APTX: variants seen among roughly 807,000 people sequenced by gnomAD.
The protein encoded by APTX is forkhead-associated domain histidine triad-like protein.
A neutral mutation model predicts 42.3 loss-of-function variants in APTX; 33 were observed. The ratio of observed to expected loss-of-function variants is 0.78; its 90% CI spans 0.59 to 1.04. The LOEUF is 1.04. Among genes scored for constraint, APTX ranks in the 50% least tolerant of loss-of-function variants. APTX has a pLI of 0.00. For synonymous variants in APTX, 130 were observed against 146.7 expected, an observed-to-expected ratio of 0.89 and a Z score of 0.82; for missense variants, 421 against 415.1, an observed-to-expected ratio of 1.01 and a Z score of -0.12.
chr9:33,002,767 T>C (rs1836773122), upstream of APTX, among the ~76,000 whole-genome samples: 1 of 152,200 alleles, frequency 6.6e-6, no homozygotes, highest in Non-Finnish European at 1.5e-5. Flanking sequence ...TGAATAATCT[T>C]TTCTTTAACA....
intron 1 of APTX, chr9:33,020,251 T>TTCTTCCTCC (rs147738241): frequency 0.069 from 11,792 of 170,086 alleles, 577 homozygotes; most frequent in Non-Finnish European, 0.1. Context: ...CTACCCTGGC[T>TTCTTCCTCC]TCTTCCTCCT....
chr9:32,989,782 T>C lies in APTX; in HGVS notation c.110A>G (p.Asp37Gly), dbSNP rs1833113571. Residue 37 changes from aspartate to glycine, a missense_variant, in exon 2 of 8, where the codon GAT becomes GGT. By Grantham distance (94) the Asp-to-Gly change is moderately conservative (BLOSUM62 -1). Coordinates refer to ENST00000379817, the MANE Select transcript of APTX (RefSeq NM_001195248.2). ...IGRGPETKIT[D>G]KKCSRQQVQL... ...ACCTTGCTGTCGAGAACATTTCTTATCAGTGATCTTGGTCTCTGGGCCACG... is the reference window on the plus strand; with the variant it reads ...ACCTTGCTGTCGAGAACATTTCTTACCAGTGATCTTGGTCTCTGGGCCACG... The C allele has an allele frequency of 1.9e-6, 3 of 1,614,154 alleles. No individual in the cohort carries two copies. The highest frequency in any genetic ancestry group is 1.7e-5 in the Admixed American group (1 of 60,014).
chr9:32,989,966 G>A (rs1833171252), intron 1 of APTX, 71 bp from the exon 2 acceptor site: 2 of 1,548,842 alleles, frequency 1.3e-6, no homozygotes, highest in Admixed American at 1.9e-5. Flanking sequence ...GCCACACCCG[G>A]TGCCACCACG....
At chr9:33,022,287 T>C (rs562765745) in intron 1 of APTX, among the ~76,000 whole-genome samples, 5 of 152,330 alleles carry the variant, frequency 3.3e-5, no homozygotes, top group South Asian at 4.1e-4. Context: ...ATATGAACAG[T>C]TGACAGGAGA....
chr9:33,001,661 A>C, upstream of APTX: 3 of 1,606,442 alleles, frequency 1.9e-6, no homozygotes, highest in Non-Finnish European at 1.7e-6. Flanking sequence ...CTGTATCGCG[A>C]CCAGTGACGT....
chr9:32,973,768 T>C (rs1828649940), intron 7 of APTX, 116 bp from the exon 8 acceptor site: 1 of 1,369,682 alleles, frequency 7.3e-7, no homozygotes, highest in Admixed American at 1.7e-5. Context: ...AGGCCAGGTA[T>C]TCTACAGCTC....
At chr9:32,988,162 G>A (rs200146043) in intron 2 of APTX, 33 bp from the exon 3 acceptor site, 12 of 1,604,290 alleles carry the variant, frequency 7.5e-6, no homozygotes, top group Non-Finnish European at 1.0e-5. Context: ...AAACACAAAT[G>A]CAACAAAGAA....
rs777847160 is a variant in APTX at position 33,001,562 on chromosome 9, C to G, written c.-5+5G>C. ...GCAGAAGAGATAGGCTGACGACCGCCTTACCTCCAGAAGTCGGAGACGGAC... is the reference window on the plus strand; with the variant it reads ...GCAGAAGAGATAGGCTGACGACCGCGTTACCTCCAGAAGTCGGAGACGGAC... On this transcript the variant is annotated splice_donor_5th_base_variant and intron_variant, in intron 1 of 7. Coordinates refer to ENST00000379817, the MANE Select transcript of APTX (RefSeq NM_001195248.2). The G allele has an allele frequency of 1.2e-6, 2 of 1,613,934 alleles. No individual in the cohort carries two copies. Among genetic ancestry groups the G allele is most frequent in the Non-Finnish European group, 1.7e-6 (2 of 1,180,034 alleles).
intron 1 of APTX, among the ~76,000 whole-genome samples, chr9:33,022,705 A>G (rs956050561): frequency 6.6e-6 from 1 of 152,278 alleles, no homozygotes; most frequent in Non-Finnish European, 1.5e-5. Flanking sequence ...GCATAGTAAG[A>G]TGACAAAGTG....
Position 32,974,490 on chromosome 9 carries a change from G to A in APTX, c.842C>T (p.Ser281Phe). Residue 281 changes from serine (S) to phenylalanine (F), a missense_variant, in exon 7 of 8, where the codon TCT becomes TTT. Coordinates refer to ENST00000379817, the MANE Select transcript of APTX (RefSeq NM_001195248.2). ...TTCTAGGAAGTATTCTGTATTGAAA[G>A]AATTCCAATGTTTTTTGTTTTTAAG... ...PCLKNKKHWNSFNTEYFLESQ... is the reference protein window; with the variant it reads ...PCLKNKKHWNFFNTEYFLESQ... The A allele has an allele frequency of 6.2e-7, 1 of 1,607,360 alleles. No homozygotes were observed. Among genetic ancestry groups the A allele is most frequent in the Non-Finnish European group, 8.5e-7 (1 of 1,174,414 alleles).
intron 1 of APTX, among the ~76,000 whole-genome samples, chr9:33,014,618 A>C (rs548872230): frequency 5.6e-4 from 85 of 152,338 alleles, no homozygotes; most frequent in African/African-American, 1.9e-3. Flanking sequence ...GGGGCCCTTA[A>C]ACTGGGTCTT....
At chr9:33,011,570 C>T (rs1837545746) in intron 1 of APTX, among the ~76,000 whole-genome samples, 1 of 152,178 alleles carries the variant, frequency 6.6e-6, no homozygotes, top group Non-Finnish European at 1.5e-5. Flanking sequence ...CAGGCATGAG[C>T]CACCGCGCCC....
chr9:32,984,248 A>T (rs1831362736), intron 6 of APTX, among the ~76,000 whole-genome samples: 1 of 152,180 alleles, frequency 6.6e-6, no homozygotes, highest in African/African-American at 2.4e-5. Flanking sequence ...GAAGTCTATG[A>T]TGTTTGTTTC....
intron 6 of APTX, among the ~76,000 whole-genome samples, chr9:32,975,468 G>A (rs766741085): frequency 6.6e-6 from 1 of 152,188 alleles, no homozygotes; most frequent in Non-Finnish European, 1.5e-5. Context: ...TTGGGAGGCC[G>A]AGGCAGGTGG....
chr9:32,974,893 A>G (rs34442105), intron 6 of APTX, among the ~76,000 whole-genome samples: 1 of 152,162 alleles, frequency 6.6e-6, no homozygotes, highest in African/African-American at 2.4e-5. Context: ...TAAACAAACA[A>G]AAAAAAACTT....
At chr9:33,000,625 C>CAAAAAAAAAAAAAAAAAAAAAAAAA (rs60760701) in intron 1 of APTX, among the ~76,000 whole-genome samples, 9 of 63,424 alleles carry the variant, frequency 1.4e-4, no homozygotes, top group Non-Finnish European at 1.8e-4. Context: ...GACTCTGTCT[C>CAAAAAAAAAAAAAAAAAAAAAAAAA]AAAAAAAAAA....
At position 33,010,132 on chromosome 9, in the gene APTX, C is replaced by A. The variant is rs529074367; in HGVS notation, c.-5+14891G>T. On this transcript the variant is annotated intron_variant, in intron 1 of 6. Transcript: ENST00000436040. ...CCATAAGAACCTTACGGTATCTGGG[C>A]CCTCAATCTCACAATCACAGACAGG... Among the ~76,000 whole-genome samples the A allele has an allele frequency of 2.0e-5, 3 of 152,214 alleles. 1 individual carries two copies. In the South Asian group the frequency reaches 6.2e-4, roughly 32 times the overall value.
At chr9:33,004,630 CTTTT>C (rs3065216), upstream of APTX, among the ~76,000 whole-genome samples, 211 of 125,672 alleles carry the variant, frequency 1.7e-3, no homozygotes, top group African/African-American at 2.4e-3. Context: ...CTTGCCAACC[CTTTT>C]TTTTTTTTTT....
chr9:33,022,541 C>T (rs1838470310), intron 1 of APTX, among the ~76,000 whole-genome samples: 1 of 152,226 alleles, frequency 6.6e-6, no homozygotes, highest in South Asian at 2.1e-4. Flanking sequence ...AACAGAAATA[C>T]TTGCATGAGT....
Sources: gnomAD v4.1 joint callset for allele counts (sites outside exome capture counted in the v4.1 genomes callset) on GRCh38, gnomAD v4.1.1 for gene constraint, MANE v1.5 for transcripts, NCBI Gene and HGNC (gene_info 2026-07-23, HGNC 2026-07-21) for gene names.